Variants in TPRG1 observed in about 807,000 individuals in gnomAD.
TPRG1 encodes tumor protein p63-regulated gene 1 protein.
In TPRG1, 29 loss-of-function variants were observed where a neutral mutation model predicts 29.3. The observed-to-expected ratio is 0.99, with a 90% confidence interval of 0.74 to 1.35. The LOEUF (loss-of-function observed/expected upper bound fraction) is 1.35, where lower values mean the gene tolerates loss of function less well. TPRG1 is among the 40% of genes most tolerant of loss of function. The pLI is 0.00. For synonymous variants in TPRG1, 130 were observed against 116.8 expected (o/e 1.11, Z -0.73); for missense variants, 327 against 335.0 (o/e 0.98, Z 0.19).
chr3:189,259,522 T>C (rs1274542493), intron 4 of TPRG1, among the ~76,000 whole-genome samples: 2 of 143,796 alleles, frequency 1.4e-5, no homozygotes, highest in Non-Finnish European at 1.5e-5. Context: ...TGGAATGCAG[T>C]AGTGTGATCT....
intron 4 of TPRG1, chr3:189,150,606 A>G (rs1725820159): frequency 6.6e-6 from 1 of 152,240 alleles, no homozygotes; most frequent in Non-Finnish European, 1.5e-5. Flanking sequence ...GCTTGGGACC[A>G]GGATCACAAT....
intron 2 of TPRG1, among the ~76,000 whole-genome samples, chr3:189,131,156 G>A (rs532417152): frequency 2.6e-5 from 4 of 152,198 alleles, no homozygotes; most frequent in East Asian, 3.9e-4. Flanking sequence ...TCGGAGCAGC[G>A]ATTATGTAGT....
intron 5 of TPRG1, among the ~76,000 whole-genome samples, chr3:189,314,247 G>A (rs538567248): frequency 6.6e-6 from 1 of 152,256 alleles, no homozygotes; most frequent in East Asian, 1.9e-4. Flanking sequence ...TTGTCAGGCA[G>A]TTAGAAATTT....
chr3:189,288,081 AGAGAG>A (rs1718372337), intron 4 of TPRG1, among the ~76,000 whole-genome samples: 1 of 145,092 alleles, frequency 6.9e-6, no homozygotes. Flanking sequence ...GAGGAAAAAG[AGAGAG>A]GAGAGAAAAT....
intron 4 of TPRG1, among the ~76,000 whole-genome samples, chr3:189,244,532 G>T (rs1476138326): frequency 6.6e-6 from 1 of 152,164 alleles, no homozygotes; most frequent in African/African-American, 2.4e-5. Flanking sequence ...GAAGGAAAAA[G>T]GGAACAAGGC....
At chr3:189,080,510 T>C (rs573590881) in intron 4 of TPRG1, among the ~76,000 whole-genome samples, 1 of 152,134 alleles carries the variant, frequency 6.6e-6, no homozygotes, top group South Asian at 2.1e-4. Context: ...ACCCAAAAGC[T>C]AGAGGGCAAG....
chr3:189,002,944 A>G (rs549825809), intron 2 of TPRG1, among the ~76,000 whole-genome samples: 2 of 152,288 alleles, frequency 1.3e-5, no homozygotes, highest in South Asian at 4.1e-4. Context: ...TACATGAAAA[A>G]CATTTAACCA....
intron 3 of TPRG1, among the ~76,000 whole-genome samples, chr3:189,018,092 G>A (rs924821181): frequency 7.2e-5 from 11 of 152,256 alleles, no homozygotes; most frequent in East Asian, 5.8e-4. Flanking sequence ...TTTTTTTCTC[G>A]TAAATTTGTT....
chr3:189,134,153 C>A (rs931562138), intron 3 of TPRG1, among the ~76,000 whole-genome samples: 1 of 152,126 alleles, frequency 6.6e-6, no homozygotes, highest in Non-Finnish European at 1.5e-5. Flanking sequence ...AGAGCTTCCA[C>A]CTTATCTGGT....
chr3:189,161,383 C>T (rs369851777), intron 5 of TPRG1, among the ~76,000 whole-genome samples: 7 of 152,124 alleles, frequency 4.6e-5, no homozygotes, highest in African/African-American at 1.7e-4. Context: ...AATGGAGAAG[C>T]ATTGTAAAAA....
At chr3:189,188,655 A>T (rs1461615931) in intron 1 of TPRG1, among the ~76,000 whole-genome samples, 1 of 152,200 alleles carries the variant, frequency 6.6e-6, no homozygotes, top group Non-Finnish European at 1.5e-5. Context: ...TACTGGGCTT[A>T]TCTCTAAGCA....
At chr3:189,024,331 T>A (rs1035715831) in intron 4 of TPRG1, among the ~76,000 whole-genome samples, 1 of 152,144 alleles carries the variant, frequency 6.6e-6, no homozygotes, top group Non-Finnish European at 1.5e-5. Flanking sequence ...CCTGATTCGT[T>A]TGGACTCTCC....
intron 4 of TPRG1, among the ~76,000 whole-genome samples, chr3:189,305,110 G>T (rs984254531): frequency 6.6e-6 from 1 of 152,160 alleles, no homozygotes; most frequent in Non-Finnish European, 1.5e-5. Context: ...AGGGAGCTAG[G>T]TGTCCTCATT....
At chr3:189,018,981 CT>C (rs1560397211) in intron 3 of TPRG1, among the ~76,000 whole-genome samples, 1 of 152,122 alleles carries the variant, frequency 6.6e-6, no homozygotes, top group African/African-American at 2.4e-5. Flanking sequence ...GTATTTGATT[CT>C]CTTTGAAGCA....
intron 4 of TPRG1, among the ~76,000 whole-genome samples, chr3:189,071,852 G>A (rs1436752636): frequency 2.6e-5 from 4 of 152,180 alleles, no homozygotes; most frequent in Non-Finnish European, 4.4e-5. Flanking sequence ...CACTTCAATG[G>A]AGCTTTGGTT....
intron 4 of TPRG1, among the ~76,000 whole-genome samples, chr3:189,280,009 G>A (rs1359373238): frequency 6.6e-6 from 1 of 152,160 alleles, no homozygotes; most frequent in Non-Finnish European, 1.5e-5. Flanking sequence ...GAGCGGGATT[G>A]GTAGCCACTT....
chr3:189,249,339 T>C (rs1367527311), intron 4 of TPRG1, among the ~76,000 whole-genome samples: 1 of 151,758 alleles, frequency 6.6e-6, no homozygotes, highest in East Asian at 1.9e-4. Context: ...CATTATAGAG[T>C]TTAATTACTT....
chr3:189,268,329 G>C (rs1022734192), intron 4 of TPRG1, among the ~76,000 whole-genome samples: 2 of 152,140 alleles, frequency 1.3e-5, no homozygotes, highest in Non-Finnish European at 2.9e-5. Context: ...GGATTGCTGA[G>C]CTATTTCTTG....
At chr3:189,163,621 T>C (rs1352682860) in intron 5 of TPRG1, among the ~76,000 whole-genome samples, 1 of 152,208 alleles carries the variant, frequency 6.6e-6, no homozygotes, top group Non-Finnish European at 1.5e-5. Context: ...ACAAGTTTCC[T>C]TGAAAAGGAA....
Sources: gnomAD v4.1 joint callset for allele counts (sites outside exome capture counted in the v4.1 genomes callset) on GRCh38, gnomAD v4.1.1 for gene constraint, MANE v1.5 for transcripts, NCBI Gene and HGNC (gene_info 2026-07-23, HGNC 2026-07-21) for gene names.